CACNB4: variants seen among roughly 807,000 people sequenced by gnomAD.
CACNB4 encodes voltage-dependent L-type calcium channel subunit beta-4.
CACNB4 carries 32 observed loss-of-function variants against 71.2 expected under a neutral mutation model. That is an observed-to-expected ratio of 0.45 (90% CI 0.34 to 0.60). The LOEUF is 0.60. CACNB4 is among the 20% of genes least tolerant of loss of function. The pLI, the probability that CACNB4 is intolerant of heterozygous loss-of-function variation, is 0.01. For synonymous variants in CACNB4, 231 were observed against 236.9 expected, an observed-to-expected ratio of 0.97 and a Z score of 0.23; for missense variants, 464 against 647.9, an observed-to-expected ratio of 0.72 and a Z score of 3.08.
intron 2 of CACNB4, among the ~76,000 whole-genome samples, chr2:151,946,342 A>G (rs1472458520): frequency 6.6e-6 from 1 of 150,776 alleles, no homozygotes; most frequent in African/African-American, 2.4e-5. Context: ...AAAAAAAAAA[A>G]GGCTCCCAAT....
intron 2 of CACNB4, among the ~76,000 whole-genome samples, chr2:152,022,682 T>C (rs1308413563): frequency 6.6e-6 from 1 of 152,200 alleles, no homozygotes; most frequent in African/African-American, 2.4e-5. Context: ...CATGTTTACC[T>C]CCTACACTTA....
Position 151,870,625 on chromosome 2 carries a change from T to G in CACNB4, c.619-14A>C, listed in dbSNP as rs1378535297. ...AATGTGCTCCGTCTGAAAAAGATGATTCGACACGCGTGACAAGGTGAGGTT... is the reference window on the plus strand; with the variant it reads ...AATGTGCTCCGTCTGAAAAAGATGAGTCGACACGCGTGACAAGGTGAGGTT... On this transcript the variant is annotated splice_polypyrimidine_tract_variant and intron_variant, in intron 7 of 13. Transcript: ENST00000539935. 2.5e-6 allele frequency: 4 copies of G among 1,607,266 alleles called. No individual in the cohort carries two copies. Among genetic ancestry groups the G allele is most frequent in the Non-Finnish European group, 3.4e-6 (4 of 1,174,794 alleles).
intron 2 of CACNB4, among the ~76,000 whole-genome samples, chr2:152,014,041 G>C (rs1295843624): frequency 6.6e-6 from 1 of 152,154 alleles, no homozygotes; most frequent in African/African-American, 2.4e-5. Context: ...AACACTCCAT[G>C]GTCCAAAAGA....
chr2:151,932,272 T>C (rs946870899), intron 2 of CACNB4, among the ~76,000 whole-genome samples: 1 of 152,108 alleles, frequency 6.6e-6, no homozygotes, highest in African/African-American at 2.4e-5. Context: ...AATGGGCCAC[T>C]GAGAAAGTAA....
intron 2 of CACNB4, among the ~76,000 whole-genome samples, chr2:152,036,885 G>C (rs956734137): frequency 2.0e-5 from 3 of 152,174 alleles, no homozygotes; most frequent in Non-Finnish European, 2.9e-5. Flanking sequence ...AGATTCCTTC[G>C]AAGAGTTTCA....
chr2:151,972,069 CAAAAA>C (rs56104858), intron 2 of CACNB4: 85 of 110,746 alleles, frequency 7.7e-4, no homozygotes, highest in Admixed American at 1.3e-3. Context: ...GACCCAAAGG[CAAAAA>C]AAAAAAAAAA....
chr2:152,009,463 C>T (rs147102631), intron 2 of CACNB4, among the ~76,000 whole-genome samples: 28 of 152,124 alleles, frequency 1.8e-4, no homozygotes, highest in South Asian at 4.1e-4. Flanking sequence ...ATCAGTTTAC[C>T]GATGGTGACA....
intron 2 of CACNB4, among the ~76,000 whole-genome samples, chr2:152,019,672 G>A (rs188790247): frequency 1.3e-5 from 2 of 152,296 alleles, no homozygotes; most frequent in South Asian, 2.1e-4. Context: ...TGGAAATAAA[G>A]GTTAAAAGAG....
chr2:151,874,792 A>G (rs2099845537), intron 5 of CACNB4: 1 of 392,648 alleles, frequency 2.5e-6, no homozygotes, highest in South Asian at 1.4e-4. Flanking sequence ...GCTGCGACAC[A>G]ATACATGCAG....
chr2:152,059,223 T>A (rs933928713), intron 2 of CACNB4, among the ~76,000 whole-genome samples: 2 of 152,180 alleles, frequency 1.3e-5, no homozygotes, highest in Admixed American at 6.5e-5. Flanking sequence ...ATAGTGGAGC[T>A]GTGAGAAGAG....
At chr2:151,936,931 C>T (rs77493090) in intron 2 of CACNB4, among the ~76,000 whole-genome samples, 1 of 152,306 alleles carries the variant, frequency 6.6e-6, no homozygotes, top group Non-Finnish European at 1.5e-5. Context: ...AAGCATAAAT[C>T]ATTGAAGATG....
intron 2 of CACNB4, among the ~76,000 whole-genome samples, chr2:151,996,879 C>A (rs918881008): frequency 3.3e-5 from 5 of 152,038 alleles, no homozygotes; most frequent in Admixed American, 3.3e-4. Flanking sequence ...AGGAAAGGCT[C>A]AAGAGAAGCT....
intron 2 of CACNB4, among the ~76,000 whole-genome samples, chr2:152,061,009 C>A (rs545563259): frequency 5.3e-5 from 8 of 152,148 alleles, no homozygotes; most frequent in African/African-American, 1.4e-4. Context: ...TCTTTTTAAT[C>A]AAAAATATTT....
intron 2 of CACNB4, among the ~76,000 whole-genome samples, chr2:151,980,837 T>C (rs1172722372): frequency 2.0e-5 from 3 of 152,232 alleles, no homozygotes. Context: ...CATAGAGTTG[T>C]TTTAACAGAG....
At chr2:151,871,196 T>A (rs917249442) in intron 6 of CACNB4, 5 of 299,436 alleles carry the variant, frequency 1.7e-5, no homozygotes, top group East Asian at 6.0e-5. Flanking sequence ...AGCACAGTGT[T>A]GCTGGGAACA....
chr2:151,977,653 G>A (rs1035610269), intron 2 of CACNB4, among the ~76,000 whole-genome samples: 3 of 152,156 alleles, frequency 2.0e-5, no homozygotes, highest in Non-Finnish European at 4.4e-5. Context: ...GATTTAAATA[G>A]CCATGATCAA....
At chr2:151,877,622 A>G (rs1041686947) in intron 4 of CACNB4, among the ~76,000 whole-genome samples, 1 of 152,240 alleles carries the variant, frequency 6.6e-6, no homozygotes, top group African/African-American at 2.4e-5. Context: ...ACTGGGGAAG[A>G]GTCATGATCT....
intron 2 of CACNB4, among the ~76,000 whole-genome samples, chr2:151,924,748 T>A (rs1332860304): frequency 6.6e-6 from 1 of 152,232 alleles, no homozygotes; most frequent in African/African-American, 2.4e-5. Flanking sequence ...CTTTCTGGAA[T>A]GCCAGACTGG....
intron 2 of CACNB4, among the ~76,000 whole-genome samples, chr2:151,935,444 T>G (rs1039116577): frequency 2.6e-5 from 4 of 152,266 alleles, no homozygotes; most frequent in African/African-American, 9.6e-5. Context: ...ATGGAAATTA[T>G]CATGTTGTCT....
Sources: gnomAD v4.1 joint callset for allele counts (sites outside exome capture counted in the v4.1 genomes callset) on GRCh38, gnomAD v4.1.1 for gene constraint, MANE v1.5 for transcripts, NCBI Gene and HGNC (gene_info 2026-07-23, HGNC 2026-07-21) for gene names.